Variants in ADCK2 observed in about 807,000 individuals in gnomAD.
The protein encoded by ADCK2 is uncharacterized aarF domain-containing protein kinase 2.
In ADCK2, 37 loss-of-function variants were observed where a neutral mutation model predicts 52.3. The observed-to-expected ratio is 0.71, with a 90% CI of 0.54 to 0.93. The LOEUF (loss-of-function observed/expected upper bound fraction) is 0.93, where lower values mean the gene tolerates loss of function less well. Among genes scored for constraint, ADCK2 ranks in the 40% least tolerant of loss-of-function variants. ADCK2 has a pLI of 0.00. For missense variants in ADCK2, 695 were observed against 798.7 expected, an observed-to-expected ratio of 0.87 and a Z score of 1.56; for synonymous variants, 321 against 349.2, an observed-to-expected ratio of 0.92 and a Z score of 0.90.
At chr7:140,691,882 C>T (rs1434488022) in intron 7 of ADCK2, among the ~76,000 whole-genome samples, 1 of 152,220 alleles carries the variant, frequency 6.6e-6, no homozygotes, top group Non-Finnish European at 1.5e-5. Flanking sequence ...GCCTCCGTGG[C>T]TCACTCTGAG....
chr7:140,688,048 CTTT>C (rs915313437), intron 5 of ADCK2, among the ~76,000 whole-genome samples: 186 of 141,440 alleles, frequency 1.3e-3, no homozygotes, highest in Non-Finnish European at 2.1e-3. Flanking sequence ...CTGTCTCTGT[CTTT>C]TTTTTTTTTT....
chr7:140,680,775 C>T (rs1794501832), intron 3 of ADCK2, among the ~76,000 whole-genome samples: 1 of 151,924 alleles, frequency 6.6e-6, no homozygotes, highest in African/African-American at 2.4e-5. Flanking sequence ...CTCACTGAAG[C>T]CTTGACTTTC....
chr7:140,685,651 C>T lies in ADCK2; in HGVS notation c.1306-1339C>T, dbSNP rs1043914954. ...GCCACAGTCTGGACTAGGACAGTCC[C>T]TTCATGGTCTGCCGCCATAAGGGAT... is the stretch of plus-strand genomic sequence containing the variant. On this transcript the variant is annotated intron_variant, in intron 4 of 7. Transcript: ENST00000072869. Among the ~76,000 whole-genome samples, 125 of 152,050 alleles carry T rather than the reference C, an allele frequency of 8.2e-4. 4 individuals are homozygous for T. Among genetic ancestry groups the T allele is most frequent in the Non-Finnish European group, 1.3e-4 (9 of 68,028 alleles).
At position 140,673,236 on chromosome 7, in the gene ADCK2, G is replaced by A. The variant is rs1801661004; in HGVS notation, c.-95G>A. 1.8e-6 allele frequency: 2 copies of A among 1,109,784 alleles called. No homozygotes were observed. The highest frequency in any genetic ancestry group is 3.9e-5 in the Admixed American group (1 of 25,926). The allele number at this position is 1,109,784 out of a possible 1,614,324, so 68.7% of individuals were successfully genotyped here. A position where few individuals can be genotyped will look rare whatever the true frequency, so the allele number is the denominator to read the frequency against. On this transcript the variant is annotated 5_prime_UTR_variant, in exon 1 of 8. Transcript: ENST00000072869. This position sits in a 1 kb window ranked among gnomAD's most constrained non-coding sequence, Gnocchi z 6.4. ...GGCCCAGATGGGCAGCTCCGTCCGC[G>A]GGGTCAGGGCCGGGCTTCGGCTTCA...
In ADCK2 at chr7:140,687,039, T is replaced by A. The variant is rs1247832752; in HGVS notation, c.1355T>A (p.Leu452Gln). ...GCAGACCTTCACCCTGGAAACATCC[T>A]GGTTCAGGGTGCCAACGGCCTGTCC... The part of the protein sequence containing the change: ...VHADLHPGNI[L>Q]VQGANGLSSS... The change falls in exon 5 of 8, where the codon CTG becomes CAG. Residue 452 changes from leucine (L) to glutamine (Q), a missense_variant. Leu to Gln is a moderately radical substitution (Grantham distance 113). Coordinates refer to ENST00000072869, the MANE Select transcript of ADCK2 (RefSeq NM_052853.4). 2 of 1,614,162 alleles carry A rather than the reference T, an allele frequency of 1.2e-6. No homozygotes were observed. The highest frequency in any genetic ancestry group is 1.7e-6 in the Non-Finnish European group (2 of 1,180,030).
Position 140,694,818 on chromosome 7 carries a change from C to T in ADCK2, c.*15C>T. 1 of 1,606,396 alleles carries T rather than the reference C, an allele frequency of 6.2e-7. No homozygotes were observed. Among genetic ancestry groups the T allele is most frequent in the Non-Finnish European group, 8.5e-7 (1 of 1,176,004 alleles). ...GCCCCCCGTGATGGGGCAGTGGCCT[C>T]TGTGGGCCCTTGTCAAGAGCTGGAG... On this transcript the variant is annotated 3_prime_UTR_variant, in exon 8 of 8. Coordinates refer to ENST00000072869, the MANE Select transcript of ADCK2 (RefSeq NM_052853.4).
chr7:140,688,954 T>C (rs1794656015), intron 5 of ADCK2, among the ~76,000 whole-genome samples: 1 of 152,176 alleles, frequency 6.6e-6, no homozygotes. Flanking sequence ...AACTGTTTTT[T>C]TTAAAAATTA....
chr7:140,692,727 T>C (rs1052151265), intron 7 of ADCK2, among the ~76,000 whole-genome samples: 1 of 152,260 alleles, frequency 6.6e-6, no homozygotes, highest in Admixed American at 6.5e-5. Context: ...TGAATAATGC[T>C]GCAGTGAACA....
At chr7:140,682,992 C>T (rs1274065947) in intron 4 of ADCK2, among the ~76,000 whole-genome samples, 1 of 111,086 alleles carries the variant, frequency 9.0e-6, no homozygotes, top group Non-Finnish European at 1.7e-5. Context: ...CAATGAGACT[C>T]TGTCTCAAAA....
At chr7:140,690,962 G>T in intron 7 of ADCK2, 149 bp downstream of exon 7, 3 of 747,652 alleles carry the variant, frequency 4.0e-6, no homozygotes, top group Non-Finnish European at 6.5e-6. Context: ...GTCTCACTCT[G>T]TCGCCCAGGG....
At chr7:140,684,030 G>A (rs908697452) in intron 4 of ADCK2, among the ~76,000 whole-genome samples, 1 of 152,186 alleles carries the variant, frequency 6.6e-6, no homozygotes, top group African/African-American at 2.4e-5. Context: ...TGAAATTGCT[G>A]CCCTGGGACT....
intron 2 of ADCK2, among the ~76,000 whole-genome samples, chr7:140,677,315 G>A (rs1794436945): frequency 6.6e-6 from 1 of 151,940 alleles, no homozygotes; most frequent in South Asian, 2.1e-4. Flanking sequence ...GGCTGAGGCA[G>A]GAGAATCGCT....
chr7:140,688,085 C>G (rs1396016884), intron 5 of ADCK2, among the ~76,000 whole-genome samples: 1 of 151,060 alleles, frequency 6.6e-6, no homozygotes, highest in Non-Finnish European at 1.5e-5. Flanking sequence ...CGCTCTGTCA[C>G]CCAGGCTGGA....
At chr7:140,679,059 G>C in intron 2 of ADCK2, 96 bp from the exon 3 acceptor site, 1 of 1,474,770 alleles carries the variant, frequency 6.8e-7, no homozygotes, top group Non-Finnish European at 9.3e-7. Flanking sequence ...GGGGAAGGTG[G>C]GGTGGATCTC....
chr7:140,687,316 A>G (rs1794622983), intron 5 of ADCK2, 75 bp downstream of exon 5: 1 of 1,480,004 alleles, frequency 6.8e-7, no homozygotes, highest in Non-Finnish European at 9.0e-7. Context: ...ATGGTGGCTC[A>G]GACCTGTAAT....
chr7:140,684,537 T>C (rs1794572798), intron 4 of ADCK2, among the ~76,000 whole-genome samples: 1 of 152,000 alleles, frequency 6.6e-6, no homozygotes, highest in African/African-American at 2.4e-5. Context: ...GGAAGAAGAA[T>C]ACCCAGGTCT....
chr7:140,673,425 A>C lies in ADCK2; in HGVS notation c.95A>C (p.Glu32Ala). ...RQGLSLLRPSECPRDARLCWL... is the reference protein window; with the variant it reads ...RQGLSLLRPSACPRDARLCWL... ...GGACTCAGCCTCCTGAGGCCCTCCGAGTGCCCTCGCGATGCCAGGCTCTGC... is the reference window on the plus strand; with the variant it reads ...GGACTCAGCCTCCTGAGGCCCTCCGCGTGCCCTCGCGATGCCAGGCTCTGC... Residue 32 changes from glutamate to alanine, a missense_variant, in exon 1 of 8, where the codon GAG becomes GCG. By Grantham distance (107) the Glu-to-Ala change is moderately radical. Transcript: ENST00000072869. This position sits in a 1 kb window ranked among gnomAD's most constrained non-coding sequence, Gnocchi z 6.4. 1.9e-6 allele frequency: 3 copies of C among 1,602,710 alleles called. No homozygotes were observed. The highest frequency in any genetic ancestry group is 2.6e-6 in the Non-Finnish European group (3 of 1,174,748).
intron 5 of ADCK2, among the ~76,000 whole-genome samples, chr7:140,688,675 A>G (rs1184053306): frequency 6.6e-6 from 1 of 152,232 alleles, no homozygotes; most frequent in Non-Finnish European, 1.5e-5. Context: ...GCAAGGTGGC[A>G]GGCTGGTGAG....
intron 7 of ADCK2, among the ~76,000 whole-genome samples, chr7:140,694,332 C>T (rs945436450): frequency 6.6e-6 from 1 of 152,092 alleles, no homozygotes; most frequent in Non-Finnish European, 1.5e-5. Flanking sequence ...CTGTAGGTTT[C>T]GAAGAATTAC....
Sources: allele counts gnomAD v4.1 joint callset (sites outside exome capture counted in the v4.1 genomes callset), GRCh38; gene constraint gnomAD v4.1.1; non-coding constraint Gnocchi (gnomAD v3.1); transcripts MANE v1.5; gene names NCBI Gene and HGNC (gene_info 2026-07-23, HGNC 2026-07-21).